NRXN1: variants seen among roughly 807,000 people sequenced by gnomAD.
NRXN1 encodes neurexin-1.
In NRXN1, 39 loss-of-function variants were observed where a neutral mutation model predicts 150.9. That is an observed-to-expected ratio of 0.26 (90% CI 0.20 to 0.34). NRXN1 has a LOEUF of 0.34. Among genes scored for constraint, NRXN1 ranks in the 10% least tolerant of loss-of-function variants. The pLI, the probability that NRXN1 is intolerant of heterozygous loss-of-function variation, is 1.00. For missense variants in NRXN1, 1,815 were observed against 1,949.9 expected (o/e 0.93, Z 1.30); for synonymous variants, 924 against 757.0 (o/e 1.22, Z -3.62).
At chr2:51,017,503 C>CTTTTTTTTTTTTT in intron 2 of NRXN1, among the ~76,000 whole-genome samples, 1 of 44,302 alleles carries the variant, frequency 2.3e-5, no homozygotes, top group Non-Finnish European at 3.8e-5. Flanking sequence ...CCACATCTGG[C>CTTTTTTTTTTTTT]TTTTTTTTTT....
intron 8 of NRXN1, among the ~76,000 whole-genome samples, chr2:50,598,064 G>A (rs537269633): frequency 1.1e-4 from 17 of 152,156 alleles, no homozygotes; most frequent in African/African-American, 2.9e-4. Context: ...GCTTGAACCC[G>A]GGAGGAGGAG....
intron 21 of NRXN1, among the ~76,000 whole-genome samples, chr2:50,050,617 C>G (rs1382389435): frequency 6.6e-6 from 1 of 152,042 alleles, no homozygotes; most frequent in South Asian, 2.1e-4. Context: ...AAAAATAGGT[C>G]AAAGTTTACA....
At chr2:50,137,389 T>C (rs1706584870) in intron 18 of NRXN1, among the ~76,000 whole-genome samples, 1 of 152,114 alleles carries the variant, frequency 6.6e-6, no homozygotes, top group East Asian at 1.9e-4. Flanking sequence ...TCAGTAATGA[T>C]GACCAGTCTA....
rs147425627 is a variant in NRXN1 at position 50,822,473 on chromosome 2, C to A, written c.832+99396G>T. Among the ~76,000 whole-genome samples the A allele has an allele frequency of 1.2e-4, 18 of 152,084 alleles. No individual in the cohort carries two copies. The East Asian group carries it at 3.5e-3, about 29-fold the overall frequency. On this transcript the variant is annotated intron_variant, in intron 5 of 22. Coordinates refer to ENST00000401669, the MANE Select transcript of NRXN1 (RefSeq NM_001330078.2). Reference sequence around the variant, plus strand: ...TCTGCAGAAAATACACAAATATATTCCACTCTTGAGAGATCTCACCTTTGC... The same window carrying A: ...TCTGCAGAAAATACACAAATATATTACACTCTTGAGAGATCTCACCTTTGC...
At chr2:50,623,256 C>T in intron 6 of NRXN1, 58 bp downstream of exon 6, 3 of 1,393,586 alleles carry the variant, frequency 2.2e-6, no homozygotes, top group Non-Finnish European at 3.0e-6. Context: ...TTAAGTACCA[C>T]ACACACAGCT....
At chr2:50,339,537 C>T (rs1459244168) in intron 17 of NRXN1, among the ~76,000 whole-genome samples, 1 of 152,160 alleles carries the variant, frequency 6.6e-6, no homozygotes, top group Non-Finnish European at 1.5e-5. Context: ...TTAAAATTCA[C>T]AAATCTCACC....
At chr2:50,777,783 A>C (rs1307754224) in intron 5 of NRXN1, among the ~76,000 whole-genome samples, 1 of 152,216 alleles carries the variant, frequency 6.6e-6, no homozygotes, top group Non-Finnish European at 1.5e-5. Context: ...AATAAAAAAG[A>C]ACACTGGACT....
chr2:50,931,495 A>G (rs1687740367), intron 2 of NRXN1, among the ~76,000 whole-genome samples: 2 of 152,102 alleles, frequency 1.3e-5, no homozygotes, highest in Non-Finnish European at 2.9e-5. Context: ...TGACAATTAT[A>G]CATTCTTTTT....
intron 2 of NRXN1, among the ~76,000 whole-genome samples, chr2:50,946,115 TG>T (rs995781980): frequency 6.6e-6 from 1 of 151,936 alleles, no homozygotes; most frequent in Admixed American, 6.6e-5. Context: ...TAGGATCCCA[TG>T]GGGCTGCCAT....
At chr2:50,430,272 T>A (rs1481444216) in intron 17 of NRXN1, among the ~76,000 whole-genome samples, 1 of 152,160 alleles carries the variant, frequency 6.6e-6, no homozygotes, top group Non-Finnish European at 1.5e-5. Context: ...TAGGGACCTA[T>A]GTGCAAATTT....
chr2:50,237,705 A>T (rs1489094730), intron 17 of NRXN1, among the ~76,000 whole-genome samples: 1 of 151,980 alleles, frequency 6.6e-6, no homozygotes, highest in Non-Finnish European at 1.5e-5. Flanking sequence ...ATTTTACCTT[A>T]TGGTTGTCTG....
chr2:50,758,434 G>T (rs912200600), intron 5 of NRXN1, among the ~76,000 whole-genome samples: 1 of 151,738 alleles, frequency 6.6e-6, no homozygotes, highest in Non-Finnish European at 1.5e-5. Flanking sequence ...AGAAACAAAG[G>T]CTGATTATAT....
chr2:50,272,883 T>G (rs1046941069), intron 17 of NRXN1, among the ~76,000 whole-genome samples: 1 of 151,838 alleles, frequency 6.6e-6, no homozygotes. Context: ...AAAGAAACCC[T>G]TAATGAAAAA....
intron 16 of NRXN1, among the ~76,000 whole-genome samples, chr2:50,468,424 A>G (rs1351473364): frequency 6.6e-6 from 1 of 151,584 alleles, no homozygotes; most frequent in African/African-American, 2.4e-5. Flanking sequence ...CACATTTTTC[A>G]AAGTACTCAC....
intron 5 of NRXN1, among the ~76,000 whole-genome samples, chr2:50,819,838 A>G (rs879783176): frequency 2.0e-5 from 3 of 152,078 alleles, no homozygotes; most frequent in Non-Finnish European, 4.4e-5. Context: ...GTGGTTATAA[A>G]TCCCAACATA....
At chr2:50,186,910 T>G (rs2061109205) in intron 18 of NRXN1, among the ~76,000 whole-genome samples, 1 of 152,118 alleles carries the variant, frequency 6.6e-6, no homozygotes, top group South Asian at 2.1e-4. Context: ...AATTCCTTCC[T>G]TCCACAATTG....
At chr2:50,923,399 C>T (rs746107954) in intron 3 of NRXN1, 1 of 302,064 alleles carries the variant, frequency 3.3e-6, no homozygotes, top group Non-Finnish European at 7.1e-6. Flanking sequence ...TTCTTAAATG[C>T]TGAACTCTAA....
intron 17 of NRXN1, chr2:50,463,898 T>C (rs1644425535): frequency 1.3e-5 from 2 of 151,658 alleles, no homozygotes; most frequent in East Asian, 1.9e-4. Flanking sequence ...CAGGATTGTA[T>C]TCAGGATGAA....
intron 5 of NRXN1, among the ~76,000 whole-genome samples, chr2:50,736,581 G>A (rs1698780364): frequency 6.6e-6 from 1 of 152,118 alleles, no homozygotes; most frequent in Non-Finnish European, 1.5e-5. Flanking sequence ...ATGGAAACTG[G>A]TTCTTGTGGT....
Sources: gnomAD v4.1 joint callset for allele counts (sites outside exome capture counted in the v4.1 genomes callset) on GRCh38, gnomAD v4.1.1 for gene constraint, MANE v1.5 for transcripts, NCBI Gene and HGNC (gene_info 2026-07-23, HGNC 2026-07-21) for gene names.